EYA1: variants seen among roughly 807,000 people sequenced by gnomAD.
The protein encoded by EYA1 is protein phosphatase EYA1.
A neutral mutation model predicts 82.0 loss-of-function variants in EYA1; 16 were observed. The observed-to-expected ratio is 0.20, with a 90% CI of 0.13 to 0.30. The LOEUF (loss-of-function observed/expected upper bound fraction) is 0.30, where lower values mean the gene tolerates loss of function less well. Among genes scored for constraint, EYA1 ranks in the 10% least tolerant of loss-of-function variants. The pLI is 1.00. For synonymous variants in EYA1, 261 were observed against 264.4 expected, an observed-to-expected ratio of 0.99 and a Z score of 0.12; for missense variants, 633 against 730.7, an observed-to-expected ratio of 0.87 and a Z score of 1.54.
chr8:71,345,586 A>G (rs2129057383), intron 3 of EYA1, among the ~76,000 whole-genome samples: 1 of 152,244 alleles, frequency 6.6e-6, no homozygotes, highest in South Asian at 2.1e-4. Context: ...AGTTTAGGTA[A>G]GTCCGACTAC....
At chr8:71,452,086 C>A (rs1050666285) in intron 2 of EYA1, among the ~76,000 whole-genome samples, 13 of 152,206 alleles carry the variant, frequency 8.5e-5, no homozygotes, top group Non-Finnish European at 1.6e-4. Flanking sequence ...CTGCACTTCT[C>A]CAATGGCCTT....
At chr8:71,324,979 C>T (rs1158603175) in intron 4 of EYA1, among the ~76,000 whole-genome samples, 3 of 152,202 alleles carry the variant, frequency 2.0e-5, no homozygotes, top group Non-Finnish European at 4.4e-5. Flanking sequence ...TGCCTTCTGA[C>T]TCTCAATACT....
chr8:71,358,386 T>C (rs939193255), intron 1 of EYA1, among the ~76,000 whole-genome samples: 3 of 152,190 alleles, frequency 2.0e-5, no homozygotes, highest in South Asian at 2.1e-4. Flanking sequence ...TGAAAGTCCA[T>C]ATGCATGATC....
intron 2 of EYA1, among the ~76,000 whole-genome samples, chr8:71,494,625 G>T (rs1035878449): frequency 6.6e-6 from 1 of 152,010 alleles, no homozygotes; most frequent in African/African-American, 2.4e-5. Flanking sequence ...TAATTTGCTC[G>T]GTTTCAAAAG....
intron 17 of EYA1, among the ~76,000 whole-genome samples, chr8:71,209,844 T>G (rs553642263): frequency 6.6e-6 from 1 of 152,276 alleles, no homozygotes; most frequent in African/African-American, 2.4e-5. Context: ...AGAGTACAAC[T>G]ATGACAAGAT....
At chr8:71,525,769 G>T (rs1813764390) in intron 2 of EYA1, among the ~76,000 whole-genome samples, 1 of 152,198 alleles carries the variant, frequency 6.6e-6, no homozygotes, top group Non-Finnish European at 1.5e-5. Flanking sequence ...ATCCTGGCCT[G>T]TTTCCAAAGG....
intron 2 of EYA1, among the ~76,000 whole-genome samples, chr8:71,504,517 A>T (rs1053500140): frequency 6.6e-6 from 1 of 152,244 alleles, no homozygotes; most frequent in African/African-American, 2.4e-5. Flanking sequence ...CCTGTAAAGT[A>T]GATCTTCTAA....
At chr8:71,527,612 T>C (rs1227254404) in intron 2 of EYA1, among the ~76,000 whole-genome samples, 5 of 152,194 alleles carry the variant, frequency 3.3e-5, no homozygotes, top group Non-Finnish European at 7.3e-5. Context: ...CTCTCACAGA[T>C]AGTAAAATCC....
chr8:71,352,732 CA>C (rs1478433470), intron 3 of EYA1, among the ~76,000 whole-genome samples: 2 of 152,104 alleles, frequency 1.3e-5, no homozygotes, highest in Admixed American at 6.5e-5. Context: ...TTTAATTATG[CA>C]AAAATCCAAC....
rs779406323 is a variant in EYA1 at position 71,216,709 on chromosome 8, T to C, written c.1343A>G (p.Tyr448Cys). 3.7e-6 allele frequency: 6 copies of C among 1,614,028 alleles called. No individual in the cohort carries two copies. The South Asian group carries it at 5.5e-5, about 15-fold the overall frequency. Residue 448 changes from tyrosine to cysteine, a missense_variant, in exon 14 of 18, where the codon TAC becomes TGC. Tyr to Cys is a radical substitution (Grantham distance 194, BLOSUM62 -2). Transcript: ENST00000340726. ...TCACTTGCCTCCAACATTATTTTTG[T>C]AGGTGTTGTAGATCTCTTTTACCCG... ...YRRVKEIYNTYKNNVGGLLGP... is the reference protein window; with the variant it reads ...YRRVKEIYNTCKNNVGGLLGP...
chr8:71,347,976 G>C (rs1044123822), intron 3 of EYA1, among the ~76,000 whole-genome samples: 2 of 151,504 alleles, frequency 1.3e-5, no homozygotes, highest in African/African-American at 4.9e-5. Flanking sequence ...ATAAATTGTG[G>C]GTCCTAAACG....
At chr8:71,309,041 T>C (rs1356836448) in intron 7 of EYA1, among the ~76,000 whole-genome samples, 1 of 152,236 alleles carries the variant, frequency 6.6e-6, no homozygotes, top group Non-Finnish European at 1.5e-5. Flanking sequence ...GATGGGCTAT[T>C]TAAAACCAGG....
chr8:71,424,275 A>G (rs1403492611), intron 2 of EYA1, among the ~76,000 whole-genome samples: 1 of 152,202 alleles, frequency 6.6e-6, no homozygotes, highest in Non-Finnish European at 1.5e-5. Flanking sequence ...CAGATCCACA[A>G]TCTCTAGTTA....
rs1039673166 is a variant in EYA1, at chr8:71,346,448, A to ATC, written c.124+8333_124+8334insGA. ...CTGCAGTGAATATATATATATATAT[A>ATC]TATATATCTATATATATCCTTCTCC... On this transcript the variant is annotated intron_variant, in intron 3 of 17. Transcript: ENST00000340726. Among the ~76,000 whole-genome samples the ATC allele has an allele frequency of 1.3e-4, 17 of 135,284 alleles. No homozygotes were observed. In the South Asian group the frequency reaches 2.0e-3, roughly 16 times the overall value. 88.8% of individuals were successfully genotyped at this position (135,284 alleles called of 152,430 possible).
chr8:71,481,422 G>T (rs1187030926), intron 2 of EYA1, among the ~76,000 whole-genome samples: 1 of 152,152 alleles, frequency 6.6e-6, no homozygotes. Flanking sequence ...TGAGAATAAT[G>T]ATCAATCCTA....
chr8:71,327,422 C>A (rs981353157), intron 4 of EYA1, among the ~76,000 whole-genome samples: 47 of 152,176 alleles, frequency 3.1e-4, no homozygotes, highest in African/African-American at 1.1e-3. Flanking sequence ...AACAACTTAA[C>A]AAATTTAGGC....
At chr8:71,279,338 C>A (rs1356975647) in intron 9 of EYA1, among the ~76,000 whole-genome samples, 1 of 152,188 alleles carries the variant, frequency 6.6e-6, no homozygotes, top group Non-Finnish European at 1.5e-5. Flanking sequence ...TAAGGCACCC[C>A]TGAACTTTGA....
At chr8:71,545,680 G>A (rs1411102620) in intron 1 of EYA1, among the ~76,000 whole-genome samples, 1 of 149,104 alleles carries the variant, frequency 6.7e-6, no homozygotes, top group Non-Finnish European at 1.5e-5. Flanking sequence ...TCTTGCCTCA[G>A]CCTCCCAAGT....
At chr8:71,233,974 G>A (rs1469053745) in intron 12 of EYA1, among the ~76,000 whole-genome samples, 2 of 152,162 alleles carry the variant, frequency 1.3e-5, no homozygotes, top group Non-Finnish European at 2.9e-5. Context: ...ATTTCCCAGT[G>A]GGGGGTAGAC....
Sources: gnomAD v4.1 joint callset for allele counts (sites outside exome capture counted in the v4.1 genomes callset) on GRCh38, gnomAD v4.1.1 for gene constraint, MANE v1.5 for transcripts, NCBI Gene and HGNC (gene_info 2026-07-23, HGNC 2026-07-21) for gene names.